Variants in IGSF9B observed in about 807,000 individuals in gnomAD.
IGSF9B encodes the protein immunoglobulin superfamily member 9B.
A neutral mutation model predicts 143.7 loss-of-function variants in IGSF9B; 48 were observed. That is an observed-to-expected ratio of 0.33 (90% CI 0.26 to 0.42). IGSF9B has a LOEUF of 0.42. Ranked by LOEUF, IGSF9B falls within the 20% of genes least tolerant of loss-of-function variation. The probability of loss-of-function intolerance (pLI) is 1.00; values close to 1 mark genes in which losing one functional copy is unlikely to be tolerated. For missense variants in IGSF9B, 1,706 were observed against 1,980.0 expected (o/e 0.86, Z 2.63); for synonymous variants, 903 against 833.1 (o/e 1.08, Z -1.44).
intron 18 of IGSF9B, chr11:133,919,199 G>A (rs542464048): frequency 4.9e-5 from 19 of 384,526 alleles, no homozygotes; most frequent in Non-Finnish European, 8.9e-5. Flanking sequence ...AGGCTGAGGA[G>A]GGGGCTGGAG....
In IGSF9B at chr11:133,931,377, C is replaced by G. The variant is rs961087575; in HGVS notation, c.1368+76G>C. The G allele has an allele frequency of 3.6e-5, 41 of 1,139,390 alleles. No homozygotes were observed. The highest frequency in any genetic ancestry group is 1.1e-4 in the Admixed American group (5 of 47,250). The allele number at this position is 1,139,390 out of a possible 1,614,324, so 70.6% of individuals were successfully genotyped here. On this transcript the variant is annotated intron_variant, in intron 10 of 19. Coordinates refer to ENST00000533871, the MANE Select transcript of IGSF9B (RefSeq NM_001277285.4). The surrounding 1 kb of genome is among the most constrained non-coding windows in gnomAD (Gnocchi z 7.7). The stretch of plus-strand genomic sequence containing the variant: ...TCAGCCCCGGGGCTCGCTGGGCCCT[C>G]AAACCTCCCCGCAGCCCCAGGGCTC...
rs941742591 is a variant in IGSF9B, at chr11:133,906,589, G to A, written c.*2480C>T. Among the ~76,000 whole-genome samples the A allele has an allele frequency of 5.3e-5, 8 of 152,224 alleles. No homozygotes were observed. The highest frequency in any genetic ancestry group is 1.9e-4 in the East Asian group (1 of 5,188). On this transcript the variant is annotated 3_prime_UTR_variant, in exon 20 of 20. Transcript: ENST00000533871. ...GAGGAGTCAGCACCTGGGTTAGCAC[G>A]GGGGTGCCCTGGAAGGCACAGCCAT...
chr11:133,927,815 C>G (rs12421671), intron 12 of IGSF9B, among the ~76,000 whole-genome samples: 1,762 of 152,246 alleles, frequency 0.012, 119 homozygotes, highest in Admixed American at 0.1. Context: ...GGGACTGGCC[C>G]TCTCCTTGCA....
intron 1 of IGSF9B, among the ~76,000 whole-genome samples, chr11:133,955,388 C>A (rs1017212108): frequency 6.6e-6 from 1 of 152,220 alleles, no homozygotes; most frequent in Non-Finnish European, 1.5e-5. Flanking sequence ...CACCACCACC[C>A]CCCTCAGAAG....
intron 3 of IGSF9B, among the ~76,000 whole-genome samples, chr11:133,941,655 A>T (rs535759682): frequency 6.6e-6 from 1 of 152,306 alleles, no homozygotes; most frequent in African/African-American, 2.4e-5. Context: ...TGCCTTGATT[A>T]TGGAAAAGCG....
At position 133,909,543 on chromosome 11, in the gene IGSF9B, T is replaced by C. The variant is rs1420260863; in HGVS notation, c.4106-266A>G. On this transcript the variant is annotated intron_variant, in intron 19 of 19. Coordinates refer to ENST00000533871, the MANE Select transcript of IGSF9B (RefSeq NM_001277285.4). This position sits in a 1 kb window ranked among gnomAD's most constrained non-coding sequence, Gnocchi z 4.2. Reference sequence around the variant, plus strand: ...GAGGATTTTCCTTCTCATTCATTTCTTTCTCGATCAGTCTACAAATATTTC... The same window carrying C: ...GAGGATTTTCCTTCTCATTCATTTCCTTCTCGATCAGTCTACAAATATTTC... 6.6e-6 allele frequency among the ~76,000 whole-genome samples: 1 copy of C among 152,234 alleles called. No individual in the cohort carries two copies. The highest frequency in any genetic ancestry group is 2.4e-5 in the African/African-American group (1 of 41,458).
At chr11:133,951,848 C>T (rs533528652) in intron 1 of IGSF9B, 424 of 228,632 alleles carry the variant, frequency 1.9e-3, no homozygotes, top group Non-Finnish European at 3.4e-3. Flanking sequence ...GCAGTAAGTC[C>T]GTGGGAAGCC....
intron 19 of IGSF9B, 55 bp downstream of exon 19, chr11:133,911,831 T>A (rs957953631): frequency 1.9e-5 from 28 of 1,451,350 alleles, no homozygotes; most frequent in Admixed American, 2.8e-5. Flanking sequence ...ATAACCCTCC[T>A]GACAACGGCA....
In IGSF9B at chr11:133,920,007, G is replaced by C; in HGVS notation, c.3718C>G (p.Gln1240Glu). 3 of 1,584,938 alleles carry C rather than the reference G, an allele frequency of 1.9e-6. No individual in the cohort carries two copies. The highest frequency in any genetic ancestry group is 2.6e-6 in the Non-Finnish European group (3 of 1,165,110). ...GAAAAGCTGACTGCAGCCGGCGGCTGCAGGGTGATCTCTGACATCTCTGCC... is the reference window on the plus strand; with the variant it reads ...GAAAAGCTGACTGCAGCCGGCGGCTCCAGGGTGATCTCTGACATCTCTGCC... ...QQAEMSEITL[Q>E]PPAAVSFSRK... The change falls in exon 18 of 20, where the codon CAG becomes GAG. Residue 1240 changes from glutamine (Q) to glutamate (E), a missense_variant. Physicochemically the swap from Gln to Glu is conservative, Grantham distance 29. Coordinates refer to ENST00000533871, the MANE Select transcript of IGSF9B (RefSeq NM_001277285.4).
In IGSF9B at chr11:133,921,288, G is replaced by C; in HGVS notation, c.2437C>G (p.Arg813Gly). 2.5e-6 allele frequency: 4 copies of C among 1,610,822 alleles called. No homozygotes were observed. The highest frequency in any genetic ancestry group is 1.7e-5 in the Admixed American group (1 of 59,952). ...PAAKRMLSPT[R>G]EKELSLYKKT... ...TTGTACAGCGACAGCTCCTTCTCAC[G>C]GGTGGGGCTCAGCATCCTCTTGGCC... The change falls in exon 18 of 20, where the codon CGT (arginine) becomes GGT (glycine). Residue 813 changes from arginine to glycine, a missense_variant. Around this residue, in one of 7 missense-constraint regions of IGSF9B, gnomAD observed 135 missense variants for 181.3 expected, o/e 0.74. Transcript: ENST00000533871.
rs928978876 is a variant in IGSF9B, at chr11:133,928,878, T to C, written c.1631+793A>G. 6.6e-6 allele frequency among the ~76,000 whole-genome samples: 1 copy of C among 152,176 alleles called. No individual in the cohort carries two copies. The highest frequency in any genetic ancestry group is 2.4e-5 in the African/African-American group (1 of 41,434). ...GGAATGAAAACAATCGAGAAACACA[T>C]GGTCCTAGAGAGAAAATGCAGGGGC... On this transcript the variant is annotated intron_variant, in intron 12 of 19. Transcript: ENST00000533871. This position sits in a 1 kb window ranked among gnomAD's most constrained non-coding sequence, Gnocchi z 4.7.
At chr11:133,918,322 A>G (rs1045314596) in intron 18 of IGSF9B, among the ~76,000 whole-genome samples, 1 of 151,928 alleles carries the variant, frequency 6.6e-6, no homozygotes, top group African/African-American at 2.4e-5. Context: ...ATCAGAAACA[A>G]AGCAGTTACC....
At chr11:133,932,287 AGACAGACACAGG>A (rs1230669923) in intron 7 of IGSF9B, 74 bp from the exon 8 acceptor site, 3 of 1,453,540 alleles carry the variant, frequency 2.1e-6, no homozygotes, top group African/African-American at 3.0e-5. Flanking sequence ...AGGGACAGAC[AGACAGACACAGG>A]GACAGACAGA....
intron 3 of IGSF9B, among the ~76,000 whole-genome samples, chr11:133,941,903 GAGA>G (rs1322840033): frequency 6.6e-6 from 1 of 152,162 alleles, no homozygotes; most frequent in Non-Finnish European, 1.5e-5. Context: ...CATTTCTTCA[GAGA>G]AGTTCTCCCT....
At chr11:133,936,293 T>C in intron 5 of IGSF9B, 99 bp from the exon 6 acceptor site, 1 of 1,069,748 alleles carries the variant, frequency 9.3e-7, no homozygotes, top group Non-Finnish European at 1.4e-6. Flanking sequence ...AGCGGTGCCC[T>C]GAACACTGCG....
chr11:133,920,849 C>T lies in IGSF9B; in HGVS notation c.2876G>A (p.Arg959Gln), dbSNP rs745569337. 1.8e-5 allele frequency: 29 copies of T among 1,599,226 alleles called. No homozygotes were observed. Among genetic ancestry groups the T allele is most frequent in the African/African-American group, 9.4e-5 (7 of 74,452 alleles). Residue 959 changes from arginine to glutamine, a missense_variant, in exon 18 of 20, where the codon CGG becomes CAG. Arg to Gln is a conservative substitution (Grantham distance 43). This residue lies in a region of IGSF9B where 880 missense variants were observed against 762.9 expected (regional missense o/e 1.15). Coordinates refer to ENST00000533871, the MANE Select transcript of IGSF9B (RefSeq NM_001277285.4). The stretch of plus-strand genomic sequence containing the variant: ...ATAATACTGGCCATGGTGGAAGGGC[C>T]GGGGGGCAGGGGGCCGGGCCTGGCC... Reference protein sequence around the residue: ...ATGQARPPAPRPFHHGQYYGY... With the variant: ...ATGQARPPAPQPFHHGQYYGY...
At chr11:133,923,343 A>G (rs1591713611) in intron 15 of IGSF9B, among the ~76,000 whole-genome samples, 1 of 152,364 alleles carries the variant, frequency 6.6e-6, no homozygotes, top group East Asian at 1.9e-4. Flanking sequence ...TAGTACAGGC[A>G]TGCAACGTCC....
At chr11:133,923,981 C>T (rs547763949) in intron 15 of IGSF9B, among the ~76,000 whole-genome samples, 1 of 152,092 alleles carries the variant, frequency 6.6e-6, no homozygotes, top group African/African-American at 2.4e-5. Flanking sequence ...TTTTTAAAGC[C>T]CATTGATGCC....
chr11:133,918,959 G>C (rs932580977), intron 18 of IGSF9B: 8 of 468,254 alleles, frequency 1.7e-5, no homozygotes, highest in Non-Finnish European at 3.1e-5. Flanking sequence ...GGGAGGAGGA[G>C]CGGGGACGGC....
Sources: gnomAD v4.1 joint callset for allele counts (sites outside exome capture counted in the v4.1 genomes callset) on GRCh38, gnomAD v4.1.1 for gene constraint, gnomAD v4.1.1 regional missense constraint, Gnocchi (gnomAD v3.1) non-coding constraint, MANE v1.5 for transcripts, NCBI Gene and HGNC (gene_info 2026-07-23, HGNC 2026-07-21) for gene names.